GCC2: variants seen among roughly 807,000 people sequenced by gnomAD.
GCC2 encodes the protein GRIP and coiled-coil domain-containing protein 2.
A neutral mutation model predicts 210.6 loss-of-function variants in GCC2; 120 were observed. That is an observed-to-expected ratio of 0.57 (90% CI 0.49 to 0.66). The LOEUF is 0.66. Ranked by LOEUF, GCC2 falls within the 30% of genes least tolerant of loss-of-function variation. The probability of loss-of-function intolerance (pLI) is 0.00; values close to 1 mark genes in which losing one functional copy is unlikely to be tolerated. For synonymous variants in GCC2, 703 were observed against 652.7 expected (o/e 1.08, Z -1.17); for missense variants, 1,868 against 1,871.9 (o/e 1.00, Z 0.04).
rs1231523366 is a variant in GCC2 at position 108,487,826 on chromosome 2, G to A, written c.4052+6G>A. On this transcript the variant is annotated splice_donor_region_variant and intron_variant, in intron 17 of 22. Coordinates refer to ENST00000309863, the MANE Select transcript of GCC2 (RefSeq NM_181453.4). ...GAGGGCGCTAAACAAGAAAGGTAAA[G>A]TCTGAATTAAATATGCAGAGTTTTC... is the stretch of plus-strand genomic sequence containing the variant. The A allele has an allele frequency of 2.5e-6, 4 of 1,605,602 alleles. No individual in the cohort carries two copies. Among genetic ancestry groups the A allele is most frequent in the Admixed American group, 3.4e-5 (2 of 59,522 alleles).
rs70956257 is a variant in GCC2, at chr2:108,458,374, C to CTTTT, written c.216+5925_216+5928dup. On this transcript the variant is annotated intron_variant, in intron 4 of 22. Transcript: ENST00000309863. ...CATCAGGGATATTGGTTGTTGCTTT[C>CTTTT]TTTTTTTTTTTTTTTTTTTTGCTGT... Among the ~76,000 whole-genome samples the CTTTT allele has an allele frequency of 5.7e-3, 568 of 100,092 alleles. 5 individuals carry two copies. Among genetic ancestry groups the CTTTT allele is most frequent in the East Asian group, 8.9e-3 (31 of 3,498 alleles). The allele number at this position is 100,092 out of a possible 152,430, so 65.7% of individuals were successfully genotyped here. A position where few individuals can be genotyped will look rare whatever the true frequency, so the allele number is the denominator to read the frequency against.
At chr2:108,467,946 G>A (rs927173824) in intron 4 of GCC2, among the ~76,000 whole-genome samples, 2 of 151,784 alleles carry the variant, frequency 1.3e-5, no homozygotes, top group Non-Finnish European at 1.5e-5. Flanking sequence ...TTTAAATATA[G>A]TATTATGCTT....
intron 4 of GCC2, among the ~76,000 whole-genome samples, chr2:108,455,818 T>C (rs1025147818): frequency 2.0e-5 from 3 of 152,226 alleles, no homozygotes; most frequent in Non-Finnish European, 2.9e-5. Context: ...ATTCATCCTT[T>C]GATGGGCACT....
At chr2:108,459,565 A>C (rs940006792) in intron 4 of GCC2, among the ~76,000 whole-genome samples, 21 of 151,916 alleles carry the variant, frequency 1.4e-4, no homozygotes, top group African/African-American at 3.9e-4. Context: ...TGATCTGTCT[A>C]ATGCTGAGAG....
Position 108,469,905 on chromosome 2 carries a change from A to T in GCC2, c.576A>T (p.Pro192=). Residue 192 remains proline (P), a synonymous_variant, in exon 6 of 23, where the codon CCA becomes CCT. Coordinates refer to ENST00000309863, the MANE Select transcript of GCC2 (RefSeq NM_181453.4). ...KLQEEIEKIR[P]GFEEQILYLQ... is the part of the protein sequence containing the mutation. ...AAGAAGAGATTGAGAAAATTAGGCCAGGCTTTGAGGAGCAAATTTTATATC... is the reference window on the plus strand; with the variant it reads ...AAGAAGAGATTGAGAAAATTAGGCCTGGCTTTGAGGAGCAAATTTTATATC... 1 of 1,613,558 alleles carries T rather than the reference A, an allele frequency of 6.2e-7. No individual in the cohort carries two copies. The highest frequency in any genetic ancestry group is 8.5e-7 in the Non-Finnish European group (1 of 1,179,756).
chr2:108,457,341 G>A (rs186599188), intron 4 of GCC2, among the ~76,000 whole-genome samples: 1 of 152,180 alleles, frequency 6.6e-6, no homozygotes, highest in African/African-American at 2.4e-5. Context: ...TGTTCCATTG[G>A]TCTGTATGCT....
chr2:108,492,824 A>C (rs1431670943), intron 19 of GCC2, 34 bp downstream of exon 19: 2 of 1,417,888 alleles, frequency 1.4e-6, no homozygotes, highest in East Asian at 2.3e-5. Context: ...TTAGTTGTTC[A>C]TGTTTTCATG....
intron 10 of GCC2, among the ~76,000 whole-genome samples, chr2:108,482,021 G>A (rs1461823035): frequency 6.6e-6 from 1 of 152,056 alleles, no homozygotes; most frequent in Non-Finnish European, 1.5e-5. Context: ...TTCCCCTAGA[G>A]GGTTGTTTGT....
At chr2:108,495,697 T>C in intron 20 of GCC2, 1 of 355,380 alleles carries the variant, frequency 2.8e-6, no homozygotes, top group Non-Finnish European at 5.3e-6. Context: ...GCTTATTAAG[T>C]ATTACCTTAC....
At chr2:108,502,780 G>A (rs1267987769) in intron 22 of GCC2, among the ~76,000 whole-genome samples, 2 of 151,872 alleles carry the variant, frequency 1.3e-5, no homozygotes, top group East Asian at 1.9e-4. Flanking sequence ...AAAATTAGCC[G>A]GGCGTGGTGG....
chr2:108,501,195 C>A (rs1461918713), intron 22 of GCC2, among the ~76,000 whole-genome samples: 2 of 151,964 alleles, frequency 1.3e-5, no homozygotes, highest in African/African-American at 4.8e-5. Flanking sequence ...CCATGTTGGC[C>A]AGGATGGTCT....
At chr2:108,466,921 C>A (rs1680924505) in intron 4 of GCC2, among the ~76,000 whole-genome samples, 1 of 152,114 alleles carries the variant, frequency 6.6e-6, no homozygotes, top group Non-Finnish European at 1.5e-5. Flanking sequence ...TCTCCATTAA[C>A]CTAATATTAT....
In GCC2 at chr2:108,485,690, A is replaced by T; in HGVS notation, c.3668A>T (p.Gln1223Leu). 6.3e-7 allele frequency: 1 copy of T among 1,599,196 alleles called. No individual in the cohort carries two copies. Among genetic ancestry groups the T allele is most frequent in the Non-Finnish European group, 8.5e-7 (1 of 1,174,090 alleles). ...GAAGAAAAAAACACCAAAATCAAGCAATTGCTTGTGAAAACCAAAAAGGAA... is the reference window on the plus strand; with the variant it reads ...GAAGAAAAAAACACCAAAATCAAGCTATTGCTTGTGAAAACCAAAAAGGAA... ...QYEEKNTKIK[Q>L]LLVKTKKELA... Residue 1223 changes from glutamine to leucine, a missense_variant, in exon 14 of 23, where the codon CAA (glutamine) becomes CTA (leucine). Physicochemically the swap from Gln to Leu is moderately radical, Grantham distance 113. Transcript: ENST00000309863.
At chr2:108,466,316 C>T (rs1446804137) in intron 4 of GCC2, among the ~76,000 whole-genome samples, 3 of 152,124 alleles carry the variant, frequency 2.0e-5, no homozygotes, top group Non-Finnish European at 4.4e-5. Flanking sequence ...GCTGGGATTA[C>T]AGGCATCAGC....
intron 7 of GCC2, chr2:108,475,307 A>G: frequency 3.4e-6 from 1 of 294,282 alleles, no homozygotes. Flanking sequence ...ACGGCTAGAA[A>G]AAAGTAGACT....
chr2:108,494,503 A>G (rs1682550787), intron 19 of GCC2: 1 of 152,244 alleles, frequency 6.6e-6, no homozygotes, highest in Non-Finnish European at 1.5e-5. Context: ...AGCAGCAACA[A>G]TTAAGAAGCT....
Position 108,482,467 on chromosome 2 carries a change from T to G in GCC2, c.3345+16T>G. 1 of 1,305,164 alleles carries G rather than the reference T, an allele frequency of 7.7e-7. No individual in the cohort carries two copies. Among genetic ancestry groups the G allele is most frequent in the Non-Finnish European group, 1.1e-6 (1 of 913,376 alleles). 80.8% of individuals were successfully genotyped at this position (1,305,164 alleles called of 1,614,324 possible). A position where few individuals can be genotyped will look rare whatever the true frequency, so the allele number is the denominator to read the frequency against. On this transcript the variant is annotated intron_variant, in intron 11 of 22. Coordinates refer to ENST00000309863, the MANE Select transcript of GCC2 (RefSeq NM_181453.4). Reference sequence around the variant, plus strand: ...GAAGATAAAGGTAAAAACAATCCTATGAGATTGATTCACATATATATGATG... The same window carrying G: ...GAAGATAAAGGTAAAAACAATCCTAGGAGATTGATTCACATATATATGATG...
At position 108,471,830 on chromosome 2, in the gene GCC2, G is replaced by A. The variant is rs1573372093; in HGVS notation, c.2501G>A (p.Arg834Lys). The A allele has an allele frequency of 6.2e-7, 1 of 1,613,452 alleles. No homozygotes were observed. Among genetic ancestry groups the A allele is most frequent in the African/African-American group, 1.3e-5 (1 of 74,998 alleles). ...TGTGAAGAACTTAAGTCTTTATTGA[G>A]AGACTATGAGCAAGAGAAAGTTCTC... Reference protein sequence around the residue: ...VQCEELKSLLRDYEQEKVLLR... With the variant: ...VQCEELKSLLKDYEQEKVLLR... The change falls in exon 6 of 23, where the codon AGA becomes AAA. Residue 834 changes from arginine to lysine, a missense_variant. This residue lies in a region of GCC2 where 1,847 missense variants were observed against 1,765.2 expected (regional missense o/e 1.05). Transcript: ENST00000309863.
intron 10 of GCC2, among the ~76,000 whole-genome samples, chr2:108,482,057 G>A (rs1463868516): frequency 1.3e-5 from 2 of 151,928 alleles, no homozygotes; most frequent in African/African-American, 4.8e-5. Context: ...TTTGTTTTTC[G>A]TTTCTGCTCT....
Sources: gnomAD v4.1 joint callset for allele counts (sites outside exome capture counted in the v4.1 genomes callset) on GRCh38, gnomAD v4.1.1 for gene constraint, gnomAD v4.1.1 regional missense constraint, MANE v1.5 for transcripts, NCBI Gene and HGNC (gene_info 2026-07-23, HGNC 2026-07-21) for gene names.